KANK4: variants seen among roughly 807,000 people sequenced by gnomAD.
The protein encoded by KANK4 is KN motif and ankyrin repeat domain-containing protein 4.
Under a neutral mutation model 80.8 loss-of-function variants are expected in KANK4, and 50 were observed. The ratio of observed to expected loss-of-function variants is 0.62; its 90% CI spans 0.49 to 0.78. The LOEUF (loss-of-function observed/expected upper bound fraction) is 0.78, where lower values mean the gene tolerates loss of function less well. KANK4 is among the 30% of genes least tolerant of loss of function. The pLI, the probability that KANK4 is intolerant of heterozygous loss-of-function variation, is 0.00. For missense variants in KANK4, 1,196 were observed against 1,240.1 expected (o/e 0.96, Z 0.53); for synonymous variants, 465 against 506.9 (o/e 0.92, Z 1.11).
chr1:62,275,761 CT>C (rs1672295389), intron 2 of KANK4, among the ~76,000 whole-genome samples: 2 of 148,260 alleles, frequency 1.3e-5, no homozygotes, highest in African/African-American at 4.9e-5. Context: ...ACGAAATTCA[CT>C]TTCATAAACC....
chr1:62,290,375 A>G (rs1672654002), intron 1 of KANK4, among the ~76,000 whole-genome samples: 1 of 152,206 alleles, frequency 6.6e-6, no homozygotes, highest in Non-Finnish European at 1.5e-5. Context: ...CCCCATTTCC[A>G]GGTGGCTGGA....
intron 8 of KANK4, among the ~76,000 whole-genome samples, chr1:62,250,612 G>A (rs1478812718): frequency 6.6e-6 from 1 of 152,180 alleles, no homozygotes; most frequent in East Asian, 1.9e-4. Context: ...CCCGGAATGA[G>A]TCCCTTGCCC....
intron 6 of KANK4, 39 bp from the exon 7 acceptor site, chr1:62,263,350 G>T: frequency 6.5e-7 from 1 of 1,533,068 alleles, no homozygotes; most frequent in East Asian, 2.3e-5. Context: ...GAGGTTCCCC[G>T]GCCAGCAAGA....
At position 62,273,565 on chromosome 1, in the gene KANK4, C is replaced by T. The variant is rs1672221406; in HGVS notation, c.1539G>A (p.Gln513=). ...AGCCTCCTGCTCCCCTGGTTCCTCCCTGAGGGCCTCCTTCCTGTTCAGTGC... is the reference window on the plus strand; with the variant it reads ...AGCCTCCTGCTCCCCTGGTTCCTCCTTGAGGGCCTCCTTCCTGTTCAGTGC... ...EAGTEQEGGP[Q]GGTRGAGGFL... is the part of the protein sequence containing the mutation. Residue 513 remains glutamine (Q), a synonymous_variant, in exon 3 of 10, where the codon CAG becomes CAA. Coordinates refer to ENST00000371153, the MANE Select transcript of KANK4 (RefSeq NM_181712.5). The T allele has an allele frequency of 6.2e-7, 1 of 1,613,932 alleles. No individual in the cohort carries two copies. The highest frequency in any genetic ancestry group is 1.1e-5 in the South Asian group (1 of 91,076).
At chr1:62,247,023 A>C (rs575035968) in intron 9 of KANK4, among the ~76,000 whole-genome samples, 60 of 151,604 alleles carry the variant, frequency 4.0e-4, no homozygotes, top group African/African-American at 1.4e-3. Context: ...AGCCTCCCAA[A>C]GTGCTGGGAT....
At chr1:62,249,445 C>T (rs897299170) in intron 8 of KANK4, among the ~76,000 whole-genome samples, 20 of 150,900 alleles carry the variant, frequency 1.3e-4, no homozygotes, top group Admixed American at 9.9e-4. Context: ...GTGGCATGAT[C>T]GCGACTCACT....
At chr1:62,310,485 G>T (rs1336781609) in intron 1 of KANK4, among the ~76,000 whole-genome samples, 1 of 152,176 alleles carries the variant, frequency 6.6e-6, no homozygotes, top group East Asian at 1.9e-4. Context: ...GGGGGCTGGG[G>T]TGCCAAGAAT....
At chr1:62,289,298 T>C (rs1486936044) in intron 1 of KANK4, among the ~76,000 whole-genome samples, 3 of 152,200 alleles carry the variant, frequency 2.0e-5, no homozygotes, top group African/African-American at 7.2e-5. Flanking sequence ...CTTGCCCAGG[T>C]ATCGAGACCA....
intron 4 of KANK4, among the ~76,000 whole-genome samples, chr1:62,269,947 A>G (rs1672120586): frequency 6.6e-6 from 1 of 152,222 alleles, no homozygotes; most frequent in African/African-American, 2.4e-5. Flanking sequence ...TGTTCAGGGA[A>G]AGGATTCAGA....
At chr1:62,292,335 G>C (rs920246843) in intron 1 of KANK4, among the ~76,000 whole-genome samples, 1 of 152,146 alleles carries the variant, frequency 6.6e-6, no homozygotes, top group African/African-American at 2.4e-5. Context: ...CTAGAAACAC[G>C]TGAACACGCA....
chr1:62,249,334 ATGTGTGCATGTTTGTG>A (rs1267421447), intron 8 of KANK4, among the ~76,000 whole-genome samples: 1 of 148,412 alleles, frequency 6.7e-6, no homozygotes, highest in Non-Finnish European at 1.5e-5. Context: ...TATACACTAT[ATGTGTGCATGTTTGTG>A]TGTGTGCGTG....
intron 1 of KANK4, among the ~76,000 whole-genome samples, chr1:62,298,506 A>T (rs1184247362): frequency 6.6e-6 from 1 of 152,220 alleles, no homozygotes; most frequent in Non-Finnish European, 1.5e-5. Flanking sequence ...TGGTCCCAGC[A>T]CCAAGTAGCA....
chr1:62,289,455 T>C (rs1049300065), intron 1 of KANK4, among the ~76,000 whole-genome samples: 2 of 152,276 alleles, frequency 1.3e-5, no homozygotes, highest in Middle Eastern at 6.8e-3. Context: ...CCCCAGAAGA[T>C]TGCAGCAGAG....
chr1:62,266,424 C>A (rs375919677), intron 6 of KANK4, among the ~76,000 whole-genome samples: 75 of 152,070 alleles, frequency 4.9e-4, no homozygotes, highest in African/African-American at 1.7e-3. Flanking sequence ...CGTACGCTCA[C>A]ACCAATGCAC....
intron 7 of KANK4, among the ~76,000 whole-genome samples, chr1:62,256,401 T>C (rs1001010223): frequency 2.6e-5 from 4 of 152,014 alleles, no homozygotes; most frequent in Admixed American, 6.6e-5. Flanking sequence ...TTTTTTTTTT[T>C]CTAGATGGAG....
chr1:62,292,572 C>T (rs952068309), intron 1 of KANK4, among the ~76,000 whole-genome samples: 1 of 152,194 alleles, frequency 6.6e-6, no homozygotes, highest in Non-Finnish European at 1.5e-5. Flanking sequence ...TAAATAACTA[C>T]TCTTTAATCG....
At chr1:62,292,276 A>G (rs1016990076) in intron 1 of KANK4, among the ~76,000 whole-genome samples, 1 of 152,152 alleles carries the variant, frequency 6.6e-6, no homozygotes, top group Admixed American at 6.5e-5. Context: ...TTGGTAATAG[A>G]GTCCATACAA....
intron 1 of KANK4, among the ~76,000 whole-genome samples, chr1:62,283,280 C>T (rs943081761): frequency 1.3e-5 from 2 of 152,184 alleles, no homozygotes; most frequent in African/African-American, 2.4e-5. Flanking sequence ...AAGCAACGGG[C>T]AGAGCTGGGA....
chr1:62,248,424 A>G (rs1291404522), intron 8 of KANK4, among the ~76,000 whole-genome samples: 1 of 152,074 alleles, frequency 6.6e-6, no homozygotes, highest in Non-Finnish European at 1.5e-5. Context: ...GCTGGAGTGC[A>G]GTGGCACAAT....
Sources: allele counts gnomAD v4.1 joint callset (sites outside exome capture counted in the v4.1 genomes callset), GRCh38; gene constraint gnomAD v4.1.1; transcripts MANE v1.5; gene names NCBI Gene and HGNC (gene_info 2026-07-23, HGNC 2026-07-21).